Variants in BSPRY observed in about 807,000 individuals in gnomAD.
BSPRY encodes B-box and SPRY domain containing.
A neutral mutation model predicts 38.0 loss-of-function variants in BSPRY; 33 were observed. The observed-to-expected ratio is 0.87, with a 90% CI of 0.66 to 1.16. BSPRY has a LOEUF of 1.16. Ranked by LOEUF, BSPRY falls within the 50% of genes most tolerant of loss-of-function variation. BSPRY has a pLI of 0.00. For synonymous variants in BSPRY, 224 were observed against 228.5 expected, an observed-to-expected ratio of 0.98 and a Z score of 0.18; for missense variants, 523 against 533.2, an observed-to-expected ratio of 0.98 and a Z score of 0.19.
At chr9:113,353,363 C>T (rs113743588) in intron 1 of BSPRY, among the ~76,000 whole-genome samples, 144 of 151,940 alleles carry the variant, frequency 9.5e-4, no homozygotes, top group African/African-American at 3.1e-3. Context: ...TCAGCCTGGA[C>T]GACAAGCAAG....
At chr9:113,360,783 C>T in intron 3 of BSPRY, 46 bp downstream of exon 3, 1 of 1,443,212 alleles carries the variant, frequency 6.9e-7, no homozygotes, top group Admixed American at 2.0e-5. Context: ...CCAGGCTCCC[C>T]AAAAGCCTGA....
chr9:113,356,545 G>T (rs1292647014), intron 2 of BSPRY, among the ~76,000 whole-genome samples: 1 of 152,030 alleles, frequency 6.6e-6, no homozygotes, highest in Non-Finnish European at 1.5e-5. Flanking sequence ...ATGTTTAGAA[G>T]TGATTATAGG....
At chr9:113,368,929 C>T (rs1483779116) in intron 5 of BSPRY, among the ~76,000 whole-genome samples, 1 of 152,098 alleles carries the variant, frequency 6.6e-6, no homozygotes, top group African/African-American at 2.4e-5. Flanking sequence ...TAGATGGAAG[C>T]TTCCATTCTC....
intron 4 of BSPRY, among the ~76,000 whole-genome samples, chr9:113,363,855 T>C (rs10981773): frequency 0.41 from 50,809 of 122,998 alleles, 11,334 homozygotes; most frequent in African/African-American, 0.64. Flanking sequence ...CCAGCCTGGG[T>C]GACAGAGTGA....
chr9:113,366,959 C>G (rs149086111), intron 4 of BSPRY, among the ~76,000 whole-genome samples: 1 of 152,146 alleles, frequency 6.6e-6, no homozygotes, highest in Non-Finnish European at 1.5e-5. Flanking sequence ...CTGATCTCAA[C>G]GCCATCTTCA....
At chr9:113,362,463 C>A in intron 4 of BSPRY, 69 bp downstream of exon 4, 1 of 1,505,698 alleles carries the variant, frequency 6.6e-7, no homozygotes, top group Non-Finnish European at 9.2e-7. Flanking sequence ...ACTCCACTGC[C>A]TTCAGCCCTG....
intron 5 of BSPRY, among the ~76,000 whole-genome samples, chr9:113,369,023 C>T (rs818709): frequency 0.012 from 1,751 of 151,298 alleles, 20 homozygotes; most frequent in Middle Eastern, 0.017. Flanking sequence ...CCTCCCTCCT[C>T]GTATTATCCT....
At chr9:113,364,241 G>T (rs1834207719) in intron 4 of BSPRY, among the ~76,000 whole-genome samples, 1 of 152,152 alleles carries the variant, frequency 6.6e-6, no homozygotes, top group African/African-American at 2.4e-5. Flanking sequence ...CTGTTGTTGT[G>T]AAACTTGTTA....
intron 2 of BSPRY, among the ~76,000 whole-genome samples, chr9:113,359,318 AT>A (rs1319968919): frequency 6.6e-6 from 1 of 152,208 alleles, no homozygotes; most frequent in Admixed American, 6.5e-5. Flanking sequence ...CCTGACCACT[AT>A]GTTATGTTGC....
At chr9:113,352,623 G>A (rs1833990701) in intron 1 of BSPRY, among the ~76,000 whole-genome samples, 1 of 152,214 alleles carries the variant, frequency 6.6e-6, no homozygotes, top group African/African-American at 2.4e-5. Flanking sequence ...GGAGAAATAA[G>A]CTGAGTCACA....
intron 4 of BSPRY, 23 bp from the exon 5 acceptor site, chr9:113,368,236 G>A (rs112625758): frequency 6.2e-7 from 1 of 1,610,524 alleles, no homozygotes; most frequent in Non-Finnish European, 8.5e-7. Context: ...CTGAATCTCT[G>A]TCTCTGTTTT....
In BSPRY at chr9:113,360,493, T is replaced by C. The variant is rs1177389138; in HGVS notation, c.301-14T>C. On this transcript the variant is annotated splice_polypyrimidine_tract_variant and intron_variant, in intron 2 of 5. Coordinates refer to ENST00000374183, the MANE Select transcript of BSPRY (RefSeq NM_017688.3). ...TGCACAGACCACCCAACTCCTCATT[T>C]TATCCCTCATTAGAGCATGGCCAGT... is the stretch of plus-strand genomic sequence containing the variant. 3 of 1,578,314 alleles carry C rather than the reference T, an allele frequency of 1.9e-6. No individual in the cohort carries two copies. The highest frequency in any genetic ancestry group is 3.8e-5 in the Admixed American group (2 of 52,658).
At chr9:113,349,931 G>A in intron 1 of BSPRY, 151 bp downstream of exon 1, 1 of 1,069,048 alleles carries the variant, frequency 9.4e-7, no homozygotes, top group Admixed American at 4.5e-5. Flanking sequence ...TGTAGGACTA[G>A]GCGGTTAAGG....
chr9:113,350,595 T>G (rs1359711406), intron 1 of BSPRY, among the ~76,000 whole-genome samples: 1 of 152,096 alleles, frequency 6.6e-6, no homozygotes, highest in Non-Finnish European at 1.5e-5. Context: ...GGGATTTCCT[T>G]GCAATTTGAT....
intron 1 of BSPRY, among the ~76,000 whole-genome samples, chr9:113,351,730 T>C (rs1306877650): frequency 1.3e-5 from 2 of 152,162 alleles, no homozygotes; most frequent in Admixed American, 6.5e-5. Flanking sequence ...CCATACCTTC[T>C]TGGGGAAGTC....
chr9:113,354,476 A>C, intron 2 of BSPRY, 138 bp downstream of exon 2: 1 of 667,288 alleles, frequency 1.5e-6, no homozygotes. Flanking sequence ...TCCCTCAGAG[A>C]CTCAATTTTA....
At position 113,369,625 on chromosome 9, in the gene BSPRY, A is replaced by T. The variant is rs373264165; in HGVS notation, c.692A>T (p.Asp231Val). The change falls in exon 6 of 6, where the codon GAC becomes GTC. Residue 231 changes from aspartate to valine, a missense_variant. Asp to Val is a radical substitution (Grantham distance 152). Transcript: ENST00000374183. Reference sequence around the variant, plus strand: ...GAATTCTTTCTGGCAGGCACAGAGGACATACGGATCGATGAGAGGACAGTC... The same window carrying T: ...GAATTCTTTCTGGCAGGCACAGAGGTCATACGGATCGATGAGAGGACAGTC... ...AVLGSLSGTEDIRIDERTVSP... is the reference protein window; with the variant it reads ...AVLGSLSGTEVIRIDERTVSP... 6.8e-6 allele frequency: 11 copies of T among 1,611,282 alleles called. No homozygotes were observed. In the African/African-American group the frequency reaches 1.3e-4, roughly 20 times the overall value.
In BSPRY at chr9:113,349,794, G is replaced by C; in HGVS notation, c.201+14G>C. 2.4e-6 allele frequency: 3 copies of C among 1,226,104 alleles called. No individual in the cohort carries two copies. The highest frequency in any genetic ancestry group is 3.0e-6 in the Non-Finnish European group (3 of 984,302). 76.0% of individuals were successfully genotyped at this position (1,226,104 alleles called of 1,614,324 possible). On this transcript the variant is annotated intron_variant, in intron 1 of 5. Coordinates refer to ENST00000374183, the MANE Select transcript of BSPRY (RefSeq NM_017688.3). ...GAGGAGCTGCGGGTGAGCGGGTGTG[G>C]GCGCCGGAAGGCGAGGGCTCCGGAG...
At chr9:113,351,813 A>T (rs1833976813) in intron 1 of BSPRY, among the ~76,000 whole-genome samples, 1 of 151,094 alleles carries the variant, frequency 6.6e-6, no homozygotes, top group Non-Finnish European at 1.5e-5. Context: ...ACTTATATTT[A>T]TTTATTTTTG....
Sources: allele counts gnomAD v4.1 joint callset (sites outside exome capture counted in the v4.1 genomes callset), GRCh38; gene constraint gnomAD v4.1.1; transcripts MANE v1.5; gene names NCBI Gene and HGNC (gene_info 2026-07-23, HGNC 2026-07-21).